Variants in EIPR1 observed in about 807,000 individuals in gnomAD.
EIPR1 encodes the protein EARP and GARP complex-interacting protein 1.
In EIPR1, 25 loss-of-function variants were observed where a neutral mutation model predicts 48.1. The observed-to-expected ratio is 0.52, with a 90% CI of 0.38 to 0.73. The LOEUF (loss-of-function observed/expected upper bound fraction) is 0.73. Among genes scored for constraint, EIPR1 ranks in the 30% least tolerant of loss-of-function variants. The pLI is 0.00. For missense variants in EIPR1, 415 were observed against 506.2 expected, an observed-to-expected ratio of 0.82 and a Z score of 1.73; for synonymous variants, 204 against 201.9, an observed-to-expected ratio of 1.01 and a Z score of -0.09.
intron 2 of EIPR1, among the ~76,000 whole-genome samples, chr2:3,351,138 T>C (rs916872128): frequency 9.9e-5 from 15 of 152,014 alleles, no homozygotes; most frequent in Admixed American, 3.9e-4. Flanking sequence ...GTAGCTGGGA[T>C]TACAGGTGCG....
At chr2:3,353,256 A>G in intron 2 of EIPR1, 1 of 471,142 alleles carries the variant, frequency 2.1e-6, no homozygotes, top group Non-Finnish European at 4.4e-6. Context: ...CCCCTGTGAA[A>G]AGCATCTGAA....
rs940245927 is a variant in EIPR1 at position 3,310,547 on chromosome 2, G to C, written c.259+27470C>G. On this transcript the variant is annotated intron_variant, in intron 3 of 8. Coordinates refer to ENST00000382125, the MANE Select transcript of EIPR1 (RefSeq NM_003310.5). ...GGGCGCCTGTAGTCCCAGCTACTTG[G>C]GAGGCTGAGGCAGGAGAATGGCGTG... Among the ~76,000 whole-genome samples the C allele has an allele frequency of 3.4e-5, 5 of 147,792 alleles. No homozygotes were observed. The South Asian group carries it at 6.5e-4, about 19-fold the overall frequency.
At chr2:3,302,967 C>T (rs1051088071) in intron 3 of EIPR1, among the ~76,000 whole-genome samples, 1 of 152,164 alleles carries the variant, frequency 6.6e-6, no homozygotes, top group South Asian at 2.1e-4. Context: ...AATCTGACTC[C>T]GTTTTTTTCA....
chr2:3,217,454 T>C (rs1435372627), intron 4 of EIPR1, among the ~76,000 whole-genome samples: 1 of 152,192 alleles, frequency 6.6e-6, no homozygotes, highest in African/African-American at 2.4e-5. Flanking sequence ...AGGTACTTCG[T>C]AAAACTCAAG....
chr2:3,205,395 G>A (rs745417463), intron 5 of EIPR1, among the ~76,000 whole-genome samples: 1 of 152,212 alleles, frequency 6.6e-6, no homozygotes, highest in African/African-American at 2.4e-5. Context: ...TGGAACCGTG[G>A]GAGTCTGCAT....
intron 4 of EIPR1, among the ~76,000 whole-genome samples, chr2:3,218,272 G>A (rs1260738869): frequency 6.7e-6 from 1 of 149,292 alleles, no homozygotes; most frequent in African/African-American, 2.5e-5. Context: ...AGTGACCCAG[G>A]TGCACACCCA....
chr2:3,283,025 CTTTAT>C (rs968733839), intron 3 of EIPR1, among the ~76,000 whole-genome samples: 8 of 152,326 alleles, frequency 5.3e-5, no homozygotes, highest in African/African-American at 1.7e-4. Flanking sequence ...GCAAACTCTG[CTTTAT>C]TTTGCTTATT....
At chr2:3,215,241 T>G (rs1023666530) in intron 4 of EIPR1, among the ~76,000 whole-genome samples, 1 of 152,194 alleles carries the variant, frequency 6.6e-6, no homozygotes, top group Non-Finnish European at 1.5e-5. Context: ...GAGAGTCTTA[T>G]GGAGGCAGAG....
Position 3,340,666 on chromosome 2 carries a change from CAT to C in EIPR1, c.127-2519_127-2518del, listed in dbSNP as rs1187274626. Among the ~76,000 whole-genome samples, 22 of 152,314 alleles carry C rather than the reference CAT, an allele frequency of 1.4e-4. No individual in the cohort carries two copies. In the East Asian group the frequency reaches 1.9e-3, roughly 13 times the overall value. On this transcript the variant is annotated intron_variant, in intron 2 of 8. Transcript: ENST00000382125. ...TTGAGAAAAACATTTGGCAGAAACA[CAT>C]GTGTCCCATGACGCCACATCTCTAC... is the stretch of plus-strand genomic sequence containing the variant.
chr2:3,354,429 GTTTTA>G (rs1372241654), intron 2 of EIPR1, 116 bp downstream of exon 2: 37 of 832,294 alleles, frequency 4.4e-5, no homozygotes, highest in Non-Finnish European at 5.7e-5. Flanking sequence ...CCAAATGAAA[GTTTTA>G]TTTTGTTTAT....
At chr2:3,248,460 G>A (rs914678477) in intron 4 of EIPR1, among the ~76,000 whole-genome samples, 1 of 152,200 alleles carries the variant, frequency 6.6e-6, no homozygotes, top group Non-Finnish European at 1.5e-5. Flanking sequence ...CAGGCGTGGT[G>A]GTGGGCGCCT....
intron 4 of EIPR1, among the ~76,000 whole-genome samples, chr2:3,257,005 T>C (rs765569414): frequency 1.3e-5 from 2 of 152,208 alleles, no homozygotes; most frequent in Non-Finnish European, 2.9e-5. Context: ...CACACAGCGC[T>C]CGAGGGCAGT....
At chr2:3,275,076 A>T (rs959364662) in intron 3 of EIPR1, among the ~76,000 whole-genome samples, 3 of 152,188 alleles carry the variant, frequency 2.0e-5, no homozygotes, top group African/African-American at 7.2e-5. Flanking sequence ...AATTATTACA[A>T]ATAGATCAGT....
intron 3 of EIPR1, among the ~76,000 whole-genome samples, chr2:3,332,451 C>T (rs1317884786): frequency 6.6e-6 from 1 of 152,220 alleles, no homozygotes; most frequent in Non-Finnish European, 1.5e-5. Flanking sequence ...CCTCTCAGGG[C>T]TCCAGGTCCA....
At position 3,189,737 on chromosome 2, in the gene EIPR1, A is replaced by C. The variant is rs577290095; in HGVS notation, c.990-229T>G. Among the ~76,000 whole-genome samples the C allele has an allele frequency of 1.3e-5, 2 of 152,266 alleles. No homozygotes were observed. The highest frequency in any genetic ancestry group is 4.8e-5 in the African/African-American group (2 of 41,552). On this transcript the variant is annotated intron_variant, in intron 8 of 8. Transcript: ENST00000382125. The surrounding 1 kb of genome is among the most constrained non-coding windows in gnomAD (Gnocchi z 4.6). ...TCACTGTGAGGAGTGGGCATTTCTC[A>C]AAAGGTTTATGGAAATCGGCGACAT...
In EIPR1 at chr2:3,274,340, G is replaced by T. The variant is rs540637824; in HGVS notation, c.260-16885C>A. On this transcript the variant is annotated intron_variant, in intron 3 of 8. Transcript: ENST00000382125. ...CCAAAGACAAAGACAGAAACTTACA[G>T]GTTGCCAGTGCTATGAACAGTTGGG... 5.8e-6 allele frequency: 9 copies of T among 1,550,456 alleles called. No individual in the cohort carries two copies. The African/African-American group carries it at 1.2e-4, about 21-fold the overall frequency.
At chr2:3,322,416 T>C (rs1289213106) in intron 3 of EIPR1, among the ~76,000 whole-genome samples, 2 of 152,256 alleles carry the variant, frequency 1.3e-5, no homozygotes, top group Non-Finnish European at 2.9e-5. Context: ...TGACAATGAA[T>C]GTCTAGAGCA....
intron 2 of EIPR1, among the ~76,000 whole-genome samples, chr2:3,342,347 AT>A (rs1243505866): frequency 6.6e-6 from 1 of 152,228 alleles, no homozygotes; most frequent in East Asian, 1.9e-4. Context: ...TTGCTAGGGA[AT>A]TTTTGTTCCT....
rs141491014 is a variant in EIPR1 at position 3,323,288 on chromosome 2, G to A, written c.259+14729C>T. 1.8e-4 allele frequency among the ~76,000 whole-genome samples: 27 copies of A among 152,298 alleles called. No individual in the cohort carries two copies. The East Asian group carries it at 2.1e-3, about 12-fold the overall frequency. ...ACCAGTGGTCCCCCCAGCCAGGAAC[G>A]AGGCTTCTGGCAGGGACACCAAAGG... On this transcript the variant is annotated intron_variant, in intron 3 of 8. Coordinates refer to ENST00000382125, the MANE Select transcript of EIPR1 (RefSeq NM_003310.5).
Sources: gnomAD v4.1 joint callset for allele counts (sites outside exome capture counted in the v4.1 genomes callset) on GRCh38, gnomAD v4.1.1 for gene constraint, Gnocchi (gnomAD v3.1) non-coding constraint, MANE v1.5 for transcripts, NCBI Gene and HGNC (gene_info 2026-07-23, HGNC 2026-07-21) for gene names.